The following SH3KBP1 variants were observed in gnomAD, a reference collection of about 807,000 sequenced individuals.
SH3KBP1 encodes the protein SH3 domain containing kinase binding protein 1, also known as SH3 domain-containing kinase-binding protein 1.
SH3KBP1 carries 8 observed loss-of-function variants against 50.1 expected under a neutral mutation model. That is an observed-to-expected ratio of 0.16 (90% confidence interval 0.09 to 0.29). The LOEUF is 0.29. Ranked by LOEUF, SH3KBP1 falls within the 10% of genes least tolerant of loss-of-function variation. The pLI is 1.00. For synonymous variants in SH3KBP1, 227 were observed against 218.6 expected, an observed-to-expected ratio of 1.04 and a Z score of -0.34; for missense variants, 377 against 535.2, an observed-to-expected ratio of 0.70 and a Z score of 2.92.
At chrX:19,597,089 T>C (rs934187549) in intron 9 of SH3KBP1, among the ~76,000 whole-genome samples, 1 of 111,742 alleles carries the variant, frequency 8.9e-6, no homozygotes. Flanking sequence ...AATCACTATC[T>C]ACGGCAGCTA....
intron 1 of SH3KBP1, among the ~76,000 whole-genome samples, chrX:19,881,093 C>T (rs1266559946): frequency 8.9e-6 from 1 of 112,141 alleles, no homozygotes; most frequent in African/African-American, 3.2e-5. Flanking sequence ...TACAGGGAGT[C>T]TACAAGGCAG....
intron 1 of SH3KBP1, among the ~76,000 whole-genome samples, chrX:19,845,806 C>T (rs1268620053): frequency 1.8e-5 from 2 of 109,695 alleles, no homozygotes. Context: ...AACGGGGTTT[C>T]GCCATGTTGG....
At chrX:19,743,480 C>T (rs2064832201) in intron 3 of SH3KBP1, among the ~76,000 whole-genome samples, 1 of 111,448 alleles carries the variant, frequency 9.0e-6, no homozygotes, top group African/African-American at 3.3e-5. Context: ...CCCATGGAGT[C>T]ATTCCAGTAC....
rs867587301 is a variant in SH3KBP1, at chrX:19,645,709, G to A, written c.727-234C>T. 9.8e-5 allele frequency among the ~76,000 whole-genome samples: 11 copies of A among 112,011 alleles called. No individual in the cohort carries two copies. In the East Asian group the frequency reaches 1.1e-3, roughly 11 times the overall value. Reference sequence around the variant, plus strand: ...TTTATCCTTGTAGGCACTTAGTAGCGTTTATTCTCTTTCTTCCTTTATACT... The same window carrying A: ...TTTATCCTTGTAGGCACTTAGTAGCATTTATTCTCTTTCTTCCTTTATACT... On this transcript the variant is annotated intron_variant, in intron 6 of 17. Transcript: ENST00000397821.
Position 19,760,039 on chromosome X carries a change from TCC to T in SH3KBP1, c.163-13600_163-13599del, listed in dbSNP as rs1425443343. On this transcript the variant is annotated intron_variant, in intron 2 of 17. Transcript: ENST00000397821. ...TCTCTCTCTCCTCTCTCTCTCTCTC[TCC>T]CTCTCTCTCTCTCTCTCTCTCTCTC... Among the ~76,000 whole-genome samples, 190 of 61,205 alleles carry T rather than the reference TCC, an allele frequency of 3.1e-3. 5 individuals are homozygous for T. Among genetic ancestry groups the T allele is most frequent in the African/African-American group, 0.012 (142 of 11,527 alleles). 53.1% of individuals were successfully genotyped at this position (61,205 alleles called of 115,157 possible).
intron 9 of SH3KBP1, among the ~76,000 whole-genome samples, chrX:19,599,817 A>C (rs1053826736): frequency 9.0e-6 from 1 of 111,656 alleles, no homozygotes; most frequent in East Asian, 2.8e-4. Flanking sequence ...AAAATGATTC[A>C]TAAAGTATTG....
At chrX:19,554,849 C>T (rs2065442424) in intron 13 of SH3KBP1, among the ~76,000 whole-genome samples, 3 of 112,872 alleles carry the variant, frequency 2.7e-5, no homozygotes, top group African/African-American at 9.6e-5. Flanking sequence ...TCAGGTTACC[C>T]TGGCATTTTT....
intron 2 of SH3KBP1, among the ~76,000 whole-genome samples, chrX:19,756,455 A>G (rs1179513471): frequency 9.0e-6 from 1 of 110,968 alleles, no homozygotes; most frequent in Non-Finnish European, 1.9e-5. Context: ...TTACAATGAG[A>G]TATTTTTATC....
intron 6 of SH3KBP1, among the ~76,000 whole-genome samples, chrX:19,679,398 A>G (rs1207068769): frequency 9.1e-6 from 1 of 109,707 alleles, no homozygotes; most frequent in Non-Finnish European, 1.9e-5. Flanking sequence ...CTGTGAGGTA[A>G]GATAGGTAAA....
intron 2 of SH3KBP1, among the ~76,000 whole-genome samples, chrX:19,794,337 G>A (rs1487159637): frequency 1.8e-5 from 2 of 111,007 alleles, no homozygotes; most frequent in South Asian, 7.6e-4. Context: ...CCAGGAGGTC[G>A]AGGCTGCAGT....
intron 2 of SH3KBP1, among the ~76,000 whole-genome samples, chrX:19,812,998 C>T (rs1479326468): frequency 1.8e-5 from 2 of 108,277 alleles, no homozygotes; most frequent in Non-Finnish European, 3.8e-5. Flanking sequence ...AAAAAATTAG[C>T]TAGATGTGGT....
At chrX:19,599,991 C>T (rs931266927) in intron 9 of SH3KBP1, among the ~76,000 whole-genome samples, 6 of 105,226 alleles carry the variant, frequency 5.7e-5, no homozygotes, top group Non-Finnish European at 7.7e-5. Flanking sequence ...AAAAATTAGC[C>T]GGGCGCGGTG....
rs1339492233 is a variant in SH3KBP1, at chrX:19,636,235, A to G, written c.803-4277T>C. Among the ~76,000 whole-genome samples the G allele has an allele frequency of 1.1e-4, 12 of 111,352 alleles. No homozygotes were observed. In the Admixed American group the frequency reaches 1.1e-3, roughly 11 times the overall value. ...TTCTTTAGAAAGGTTAAAAATGACT[A>G]ATGAATTAGCATAAGACTGAAATCC... On this transcript the variant is annotated intron_variant, in intron 7 of 17. Transcript: ENST00000397821.
chrX:19,650,008 G>A (rs1401524513), intron 6 of SH3KBP1, among the ~76,000 whole-genome samples: 2 of 111,881 alleles, frequency 1.8e-5, no homozygotes, highest in East Asian at 5.6e-4. Context: ...ATGCTAAGGA[G>A]AAGAAAATCT....
chrX:19,576,680 C>T (rs1467454985), intron 12 of SH3KBP1, among the ~76,000 whole-genome samples: 5 of 112,207 alleles, frequency 4.5e-5, no homozygotes, highest in African/African-American at 1.6e-4. Context: ...TGGCCTCCAG[C>T]AGTCCTCCAG....
chrX:19,811,152 G>A (rs1444745137), intron 2 of SH3KBP1, among the ~76,000 whole-genome samples: 1 of 111,151 alleles, frequency 9.0e-6, no homozygotes, highest in Admixed American at 9.6e-5. Flanking sequence ...GCACACTCAC[G>A]ATTTTGCAGC....
chrX:19,746,682 C>T (rs1255105672), intron 2 of SH3KBP1, among the ~76,000 whole-genome samples: 1 of 111,837 alleles, frequency 8.9e-6, no homozygotes, highest in East Asian at 2.8e-4. Context: ...GTAACTATGG[C>T]CATTCCATGT....
chrX:19,796,137 T>C lies in SH3KBP1; in HGVS notation c.162+39988A>G, dbSNP rs143060070. Among the ~76,000 whole-genome samples the C allele has an allele frequency of 4.7e-4, 53 of 112,047 alleles. No homozygotes were observed. The East Asian group carries it at 5.9e-3, about 12-fold the overall frequency. ...ACTTACCTCAGTTACATGGGATGTG[T>C]ACCGTAGACCAGGTTGCCAGATGTT... On this transcript the variant is annotated intron_variant, in intron 2 of 17. Transcript: ENST00000397821.
chrX:19,606,238 A>C (rs1212612494), intron 9 of SH3KBP1, among the ~76,000 whole-genome samples: 1 of 112,298 alleles, frequency 8.9e-6, no homozygotes, highest in Non-Finnish European at 1.9e-5. Context: ...ATGAGAATGC[A>C]GAGGCTTAGA....
Sources: gnomAD v4.1 joint callset for allele counts (sites outside exome capture counted in the v4.1 genomes callset) on GRCh38, gnomAD v4.1.1 for gene constraint, MANE v1.5 for transcripts, NCBI Gene and HGNC (gene_info 2026-07-23, HGNC 2026-07-21) for gene names.